SDK2: variants seen among roughly 807,000 people sequenced by gnomAD.
The protein encoded by SDK2 is sidekick cell adhesion molecule 2.
Under a neutral mutation model 253.9 loss-of-function variants are expected in SDK2, and 105 were observed. That is an observed-to-expected ratio of 0.41 (90% CI 0.35 to 0.49). The LOEUF (loss-of-function observed/expected upper bound fraction) is 0.49, where lower values mean the gene tolerates loss of function less well. Among genes scored for constraint, SDK2 ranks in the 20% least tolerant of loss-of-function variants. The probability of loss-of-function intolerance (pLI) is 0.06; values close to 1 mark genes in which losing one functional copy is unlikely to be tolerated. For synonymous variants in SDK2, 1,249 were observed against 1,234.9 expected (o/e 1.01, Z -0.24); for missense variants, 2,608 against 3,003.0 (o/e 0.87, Z 3.07).
chr17:73,363,704 G>A (rs543429528), intron 38 of SDK2, among the ~76,000 whole-genome samples: 1 of 152,114 alleles, frequency 6.6e-6, no homozygotes, highest in Non-Finnish European at 1.5e-5. Flanking sequence ...ACACAGTCCA[G>A]ATCCCACCAG....
chr17:73,431,803 T>TGGC lies in SDK2; in HGVS notation c.1313-137_1313-135dup. The TGGC allele has an allele frequency of 1.1e-6, 1 of 944,996 alleles. No individual in the cohort carries two copies. The highest frequency in any genetic ancestry group is 1.5e-6 in the Non-Finnish European group (1 of 661,494). 58.5% of individuals were successfully genotyped at this position (944,996 alleles called of 1,614,324 possible). Reference sequence around the variant, plus strand: ...AAATGCTGGAAGGAATGAGGACAGATGGCGGTGGGGCTGGGGTGGGGGCTG... The same window carrying TGGC: ...AAATGCTGGAAGGAATGAGGACAGATGGCGGCGGTGGGGCTGGGGTGGGGGCTG... On this transcript the variant is annotated intron_variant, in intron 10 of 44. Transcript: ENST00000392650. The surrounding 1 kb of genome is among the most constrained non-coding windows in gnomAD (Gnocchi z 5.6).
intron 16 of SDK2, among the ~76,000 whole-genome samples, chr17:73,418,151 G>C (rs1192349152): frequency 6.6e-6 from 1 of 151,908 alleles, no homozygotes; most frequent in African/African-American, 2.4e-5. Flanking sequence ...GGGACTACGG[G>C]TGTGTGCCAC....
intron 1 of SDK2, among the ~76,000 whole-genome samples, chr17:73,640,670 G>A (rs1033905093): frequency 2.0e-5 from 3 of 152,166 alleles, no homozygotes; most frequent in African/African-American, 7.2e-5. Flanking sequence ...CCGCTCCCTT[G>A]TGTACTGTTG....
chr17:73,539,151 G>T (rs2044825931), intron 1 of SDK2, among the ~76,000 whole-genome samples: 1 of 152,146 alleles, frequency 6.6e-6, no homozygotes, highest in Admixed American at 6.5e-5. Flanking sequence ...GAGGAACCAG[G>T]CTATGTCCCA....
rs191779227 is a variant in SDK2 at position 73,473,232 on chromosome 17, C to T, written c.225-1014G>A. On this transcript the variant is annotated intron_variant, in intron 2 of 44. Coordinates refer to ENST00000392650, the MANE Select transcript of SDK2 (RefSeq NM_001144952.2). ...GCAGACTCTGGCATTGGGGGGCAGG[C>T]GGCTGGGAGCAGGTGTATGTACATT... 5.8e-3 allele frequency among the ~76,000 whole-genome samples: 878 copies of T among 152,270 alleles called. 11 individuals carry two copies. The highest frequency in any genetic ancestry group is 0.02 in the African/African-American group (841 of 41,544).
rs2046421265 is a variant in SDK2 at position 73,643,326 on chromosome 17, C to T, written c.64+699G>A. ...TCGAGCGAACAGCGGAGGCTGGAGG[C>T]AGGGGCGGGGATGCTGGGTGTGGGT... On this transcript the variant is annotated intron_variant, in intron 1 of 44. Transcript: ENST00000392650. This position sits in a 1 kb window ranked among gnomAD's most constrained non-coding sequence, Gnocchi z 6.9. Among the ~76,000 whole-genome samples the T allele has an allele frequency of 6.6e-6, 1 of 152,192 alleles. No homozygotes were observed. Among genetic ancestry groups the T allele is most frequent in the Admixed American group, 6.5e-5 (1 of 15,284 alleles).
At chr17:73,552,910 AG>A (rs533768341) in intron 1 of SDK2, among the ~76,000 whole-genome samples, 3 of 152,368 alleles carry the variant, frequency 2.0e-5, no homozygotes, top group South Asian at 2.1e-4. Context: ...GCTGGCGCTC[AG>A]AGATGGGATG....
At chr17:73,614,230 C>G (rs1428425059) in intron 1 of SDK2, among the ~76,000 whole-genome samples, 1 of 152,106 alleles carries the variant, frequency 6.6e-6, no homozygotes, top group East Asian at 1.9e-4. Context: ...CTGGAAAGTA[C>G]CCCCACCTTC....
Position 73,385,847 on chromosome 17 carries a change from C to T in SDK2, c.4569G>A (p.Gln1523=). The change falls in exon 32 of 45, where the codon CAG becomes CAA. Residue 1523 remains glutamine (Q), a splice_region_variant and synonymous_variant. Transcript: ENST00000392650. ...AGGTTTCCTGCCCGCTGGGCCATAC[C>T]TGCCATCGGATTAGCACGGAGGTGG... is the stretch of plus-strand genomic sequence containing the variant. ...HTTTSVLIRW[Q]PPAEDKINGI... The T allele has an allele frequency of 6.2e-7, 1 of 1,605,474 alleles. No individual in the cohort carries two copies. The highest frequency in any genetic ancestry group is 8.5e-7 in the Non-Finnish European group (1 of 1,176,730).
Position 73,534,281 on chromosome 17 carries a change from G to A in SDK2, c.65-26684C>T, listed in dbSNP as rs774870521. On this transcript the variant is annotated intron_variant, in intron 1 of 44. Coordinates refer to ENST00000392650, the MANE Select transcript of SDK2 (RefSeq NM_001144952.2). This position sits in a 1 kb window ranked among gnomAD's most constrained non-coding sequence, Gnocchi z 4.9. Reference sequence around the variant, plus strand: ...AAAAAGCAGATGCAAGAGCGGGTCCGCTGCTGGGGGAAGGGGAGTGGCATT... The same window carrying A: ...AAAAAGCAGATGCAAGAGCGGGTCCACTGCTGGGGGAAGGGGAGTGGCATT... Among the ~76,000 whole-genome samples, 1 of 152,224 alleles carries A rather than the reference G, an allele frequency of 6.6e-6. No individual in the cohort carries two copies. Among genetic ancestry groups the A allele is most frequent in the Non-Finnish European group, 1.5e-5 (1 of 68,044 alleles).
Position 73,338,787 on chromosome 17 carries a change from A to G in SDK2, c.6319T>C (p.Ser2107Pro), listed in dbSNP as rs2062405072. Residue 2107 changes from serine (S) to proline (P), a missense_variant, in exon 45 of 45, where the codon TCG (serine) becomes CCG (proline). Physicochemically the swap from Ser to Pro is moderately conservative, Grantham distance 74. This residue lies in a region of SDK2 where 1,103 missense variants were observed against 1,143.9 expected (regional missense o/e 0.96). Coordinates refer to ENST00000392650, the MANE Select transcript of SDK2 (RefSeq NM_001144952.2). This position sits in a 1 kb window ranked among gnomAD's most constrained non-coding sequence, Gnocchi z 5.0. ...AQAYSYTESD[S>P]GEPDHTTVTN... is the part of the protein sequence containing the mutation. The stretch of plus-strand genomic sequence containing the variant: ...ACGGTGGTGTGGTCTGGCTCACCCG[A>G]GTCGCTCTCCGTGTAGCTGTAGGCC... 6.2e-7 allele frequency: 1 copy of G among 1,613,670 alleles called. No individual in the cohort carries two copies.
intron 2 of SDK2, among the ~76,000 whole-genome samples, chr17:73,477,990 A>G (rs1178513658): frequency 6.6e-6 from 1 of 152,206 alleles, no homozygotes; most frequent in Non-Finnish European, 1.5e-5. Context: ...TATTTATTAT[A>G]GGAAATATAT....
In SDK2 at chr17:73,487,261, C is replaced by A. The variant is rs539824552; in HGVS notation, c.225-15043G>T. On this transcript the variant is annotated intron_variant, in intron 2 of 44. Coordinates refer to ENST00000392650, the MANE Select transcript of SDK2 (RefSeq NM_001144952.2). The stretch of plus-strand genomic sequence containing the variant: ...TACCTTGACTTTGTACAGGTGCTAT[C>A]TACACAGGTGGCTGGCTTTCTTCAG... 4.6e-5 allele frequency among the ~76,000 whole-genome samples: 7 copies of A among 152,326 alleles called. No individual in the cohort carries two copies. The East Asian group carries it at 5.8e-4, about 13-fold the overall frequency.
chr17:73,449,100 T>C (rs952430986), intron 4 of SDK2, among the ~76,000 whole-genome samples: 1 of 152,152 alleles, frequency 6.6e-6, no homozygotes, highest in African/African-American at 2.4e-5. Context: ...GATCCCATCA[T>C]GCAGCCCCTT....
intron 22 of SDK2, 68 bp from the exon 23 acceptor site, chr17:73,398,497 T>C: frequency 1.5e-6 from 2 of 1,347,700 alleles, no homozygotes; most frequent in Non-Finnish European, 2.1e-6. Context: ...CGAGCCCCAG[T>C]ACAAGCCCTG....
At chr17:73,538,118 C>A (rs2044809488) in intron 1 of SDK2, among the ~76,000 whole-genome samples, 2 of 152,138 alleles carry the variant, frequency 1.3e-5, no homozygotes, top group Non-Finnish European at 2.9e-5. Flanking sequence ...CTGCACTTGG[C>A]CTGGCTGGAA....
Position 73,455,394 on chromosome 17 carries a change from A to G in SDK2, c.479+512T>C, listed in dbSNP as rs112835401. On this transcript the variant is annotated intron_variant, in intron 4 of 44. Coordinates refer to ENST00000392650, the MANE Select transcript of SDK2 (RefSeq NM_001144952.2). The surrounding 1 kb of genome is among the most constrained non-coding windows in gnomAD (Gnocchi z 5.0). ...CACAGAGACGGCCTTGTGAACACTC[A>G]GAGGCCTGTGTGTTTCTCTGCCCAG... 1.7e-3 allele frequency among the ~76,000 whole-genome samples: 264 copies of G among 152,238 alleles called. 2 individuals are homozygous for G. The highest frequency in any genetic ancestry group is 6.1e-3 in the African/African-American group (252 of 41,536).
chr17:73,382,956 G>A (rs2062843369), intron 33 of SDK2, among the ~76,000 whole-genome samples: 1 of 152,226 alleles, frequency 6.6e-6, no homozygotes. Context: ...TTGAACCCAG[G>A]AAGCGGAGGT....
At chr17:73,580,798 T>C (rs77430049) in intron 1 of SDK2, among the ~76,000 whole-genome samples, 1 of 152,332 alleles carries the variant, frequency 6.6e-6, no homozygotes, top group East Asian at 1.9e-4. Flanking sequence ...TTTGAAATAT[T>C]TGCGTTATAT....
Sources: allele counts gnomAD v4.1 joint callset (sites outside exome capture counted in the v4.1 genomes callset), GRCh38; gene constraint gnomAD v4.1.1; regional missense constraint gnomAD v4.1.1; non-coding constraint Gnocchi (gnomAD v3.1); transcripts MANE v1.5; gene names NCBI Gene and HGNC (gene_info 2026-07-23, HGNC 2026-07-21).